Variants in EBF4 observed in about 807,000 individuals in gnomAD.
EBF4 encodes the protein transcription factor COE4.
In EBF4, 34 loss-of-function variants were observed where a neutral mutation model predicts 67.1. The observed-to-expected ratio is 0.51, with a 90% CI of 0.39 to 0.67. EBF4 has a LOEUF of 0.67. EBF4 is among the 30% of genes least tolerant of loss of function. The probability of loss-of-function intolerance (pLI) is 0.00; values close to 1 mark genes in which losing one functional copy is unlikely to be tolerated. For missense variants in EBF4, 837 were observed against 873.3 expected, an observed-to-expected ratio of 0.96 and a Z score of 0.52; for synonymous variants, 387 against 377.7, an observed-to-expected ratio of 1.02 and a Z score of -0.29.
chr20:2,755,309 C>A lies in EBF4; in HGVS notation c.1541-318C>A. 2.8e-6 allele frequency: 1 copy of A among 357,214 alleles called. No homozygotes were observed. The highest frequency in any genetic ancestry group is 4.9e-5 in the South Asian group (1 of 20,604). 22.1% of individuals were successfully genotyped at this position (357,214 alleles called of 1,614,324 possible). A position where few individuals can be genotyped will look rare whatever the true frequency, so the allele number is the denominator to read the frequency against. On this transcript the variant is annotated intron_variant, in intron 14 of 16. Coordinates refer to ENST00000609451, the Ensembl canonical transcript of EBF4. The surrounding 1 kb of genome is among the most constrained non-coding windows in gnomAD (Gnocchi z 4.7). ...ATCCCAGGGGTTTTCAGCAGAAATC[C>A]TGAAGTAGTCCAGCTGTTGCTCATC...
At chr20:2,713,471 G>A (rs549697222) in intron 6 of EBF4, among the ~76,000 whole-genome samples, 3 of 152,252 alleles carry the variant, frequency 2.0e-5, no homozygotes, top group African/African-American at 7.2e-5. Flanking sequence ...CCAAGAGAGT[G>A]AGTGAACCAG....
chr20:2,732,203 C>T (rs1342681204), intron 6 of EBF4, among the ~76,000 whole-genome samples: 1 of 152,094 alleles, frequency 6.6e-6, no homozygotes, highest in Non-Finnish European at 1.5e-5. Flanking sequence ...TCACTACAGC[C>T]TCAACCTCCC....
chr20:2,714,824 T>C (rs1316714509), intron 6 of EBF4, among the ~76,000 whole-genome samples: 1 of 152,202 alleles, frequency 6.6e-6, no homozygotes, highest in Non-Finnish European at 1.5e-5. Flanking sequence ...CGGGTTTTCA[T>C]TATATTTAGA....
At chr20:2,759,330 G>A (rs534781063) in exon 17 of EBF4, 31 of 334,790 alleles carry the variant, frequency 9.3e-5, no homozygotes, top group African/African-American at 4.1e-4. Flanking sequence ...GCCACACCCC[G>A]GATGGTGGCA....
At chr20:2,759,753 A>T (rs1298446814), downstream of EBF4, 2 of 152,280 alleles carry the variant, frequency 1.3e-5, no homozygotes, top group African/African-American at 4.8e-5. Flanking sequence ...CAGCCTCGGG[A>T]GGCCTGCCCA....
In EBF4 at chr20:2,696,801, G is replaced by A. The variant is rs1214368347; in HGVS notation, c.137+3019G>A. Among the ~76,000 whole-genome samples the A allele has an allele frequency of 1.3e-5, 2 of 151,918 alleles. No homozygotes were observed. The highest frequency in any genetic ancestry group is 2.4e-5 in the African/African-American group (1 of 41,394). Reference sequence around the variant, plus strand: ...TTCTGTGCCCTCCCACCCTGCCCACGGGAGTGGCTTTAATGCTGCCTACGA... The same window carrying A: ...TTCTGTGCCCTCCCACCCTGCCCACAGGAGTGGCTTTAATGCTGCCTACGA... On this transcript the variant is annotated intron_variant, in intron 1 of 16. Transcript: ENST00000609451. This position sits in a 1 kb window ranked among gnomAD's most constrained non-coding sequence, Gnocchi z 4.7.
chr20:2,750,478 A>G (rs1416255272), intron 10 of EBF4, among the ~76,000 whole-genome samples: 1 of 152,090 alleles, frequency 6.6e-6, no homozygotes, highest in Non-Finnish European at 1.5e-5. Context: ...CAGTGAACAC[A>G]CGTGGAGAGG....
At chr20:2,703,372 G>T (rs750884000) in intron 1 of EBF4, among the ~76,000 whole-genome samples, 1 of 151,912 alleles carries the variant, frequency 6.6e-6, no homozygotes, top group Non-Finnish European at 1.5e-5. Flanking sequence ...GGAGTTCAAG[G>T]TTGCAGTGAG....
chr20:2,693,223 G>A (rs2087235414), upstream of EBF4: 1 of 154,396 alleles, frequency 6.5e-6, no homozygotes, highest in African/African-American at 2.4e-5. This position sits in a 1 kb window ranked among gnomAD's most constrained non-coding sequence, Gnocchi z 4.6. Flanking sequence ...GGAAAGGGCG[G>A]GCGGCCCCGC....
At chr20:2,716,529 C>CAAA (rs60033313) in intron 6 of EBF4, among the ~76,000 whole-genome samples, 107 of 107,776 alleles carry the variant, frequency 9.9e-4, no homozygotes, top group African/African-American at 2.7e-3. Context: ...AACTCCGTCT[C>CAAA]AAAAAAAAAA....
chr20:2,748,129 A>G (rs1225020437), intron 6 of EBF4, among the ~76,000 whole-genome samples: 1 of 152,174 alleles, frequency 6.6e-6, no homozygotes, highest in East Asian at 1.9e-4. Flanking sequence ...ATAACATTAC[A>G]TGGGGTATGT....
chr20:2,701,240 C>T (rs754538931), intron 1 of EBF4, among the ~76,000 whole-genome samples: 5 of 152,212 alleles, frequency 3.3e-5, no homozygotes, highest in African/African-American at 9.7e-5. Flanking sequence ...TGGGCTGCCT[C>T]GGGGCAGTGG....
In EBF4 at chr20:2,751,723, T is replaced by C; in HGVS notation, c.1042T>C (p.Tyr348His). 7.1e-6 allele frequency: 11 copies of C among 1,549,582 alleles called. No homozygotes were observed. The highest frequency in any genetic ancestry group is 7.9e-6 in the Non-Finnish European group (9 of 1,146,212). ...AGCTCTGAACGAGCCCACCATTGAC[T>C]ACGGATTCCAGAGGCTACAGAAAGT... The change falls in exon 11 of 17, where the codon TAC (tyrosine) becomes CAC (histidine). Residue 348 changes from tyrosine (Y) to histidine (H), a missense_variant. Coordinates refer to ENST00000609451, the Ensembl canonical transcript of EBF4. This position sits in a 1 kb window ranked among gnomAD's most constrained non-coding sequence, Gnocchi z 5.2.
At chr20:2,706,400 T>G in intron 4 of EBF4, 136 bp downstream of exon 4, 1 of 990,172 alleles carries the variant, frequency 1.0e-6, no homozygotes. Flanking sequence ...GCTCCCCCAG[T>G]TCCCACCCCA....
At chr20:2,741,742 G>A (rs145283234) in intron 6 of EBF4, among the ~76,000 whole-genome samples, 148 of 152,248 alleles carry the variant, frequency 9.7e-4, no homozygotes, top group African/African-American at 3.2e-3. Context: ...CCATCCTTTA[G>A]ATACTTCATT....
At chr20:2,733,583 CTT>C (rs1406921083) in intron 6 of EBF4, among the ~76,000 whole-genome samples, 3 of 152,150 alleles carry the variant, frequency 2.0e-5, no homozygotes, top group Non-Finnish European at 2.9e-5. Flanking sequence ...CCACAGGTCT[CTT>C]AAGCTCTGTT....
chr20:2,755,348 G>C lies in EBF4; in HGVS notation c.1541-279G>C. The C allele has an allele frequency of 2.2e-6, 1 of 460,326 alleles. No individual in the cohort carries two copies. Among genetic ancestry groups the C allele is most frequent in the South Asian group, 3.6e-5 (1 of 27,714 alleles). 28.5% of individuals were successfully genotyped at this position (460,326 alleles called of 1,614,324 possible). A position where few individuals can be genotyped will look rare whatever the true frequency, so the allele number is the denominator to read the frequency against. ...CTGTTGCTCATCTCATTTTTGGGGG[G>C]TACCTCCCACTGTTTGTTTTTTTTG... On this transcript the variant is annotated intron_variant, in intron 14 of 16. Coordinates refer to ENST00000609451, the Ensembl canonical transcript of EBF4. The surrounding 1 kb of genome is among the most constrained non-coding windows in gnomAD (Gnocchi z 4.7).
chr20:2,721,254 T>TA (rs2146423159), intron 6 of EBF4, among the ~76,000 whole-genome samples: 1 of 150,768 alleles, frequency 6.6e-6, no homozygotes, highest in South Asian at 2.1e-4. Flanking sequence ...TTCTTTTTTT[T>TA]TTTTTTTTTT....
At chr20:2,743,318 C>T (rs922168351) in intron 6 of EBF4, among the ~76,000 whole-genome samples, 1 of 152,212 alleles carries the variant, frequency 6.6e-6, no homozygotes, top group Non-Finnish European at 1.5e-5. Flanking sequence ...TCGGCAGTCT[C>T]TCTAGGTCCA....
Sources: gnomAD v4.1 joint callset for allele counts (sites outside exome capture counted in the v4.1 genomes callset) on GRCh38, gnomAD v4.1.1 for gene constraint, Gnocchi (gnomAD v3.1) non-coding constraint, MANE v1.5 for transcripts, NCBI Gene and HGNC (gene_info 2026-07-23, HGNC 2026-07-21) for gene names.